Variants in CCNY observed in about 807,000 individuals in gnomAD.
The protein encoded by CCNY is cyclin-Y.
Under a neutral mutation model 42.8 loss-of-function variants are expected in CCNY, and 19 were observed. The observed-to-expected ratio is 0.44, with a 90% CI of 0.31 to 0.65. CCNY has a LOEUF of 0.65. Ranked by LOEUF, CCNY falls within the 30% of genes least tolerant of loss-of-function variation. The pLI, the probability that CCNY is intolerant of heterozygous loss-of-function variation, is 0.07. For missense variants in CCNY, 370 were observed against 437.3 expected, an observed-to-expected ratio of 0.85 and a Z score of 1.37; for synonymous variants, 165 against 162.7, an observed-to-expected ratio of 1.01 and a Z score of -0.11.
At chr10:35,421,600 C>T (rs745886423) in intron 1 of CCNY, among the ~76,000 whole-genome samples, 1 of 152,178 alleles carries the variant, frequency 6.6e-6, no homozygotes, top group Non-Finnish European at 1.5e-5. Context: ...GGGACAGTTT[C>T]ATGCCTCTCT....
chr10:35,399,417 G>A (rs1837595600), intron 1 of CCNY, among the ~76,000 whole-genome samples: 1 of 152,116 alleles, frequency 6.6e-6, no homozygotes, highest in South Asian at 2.1e-4. Flanking sequence ...CAGAATTTGG[G>A]TACTAGTGTG....
At chr10:35,466,608 C>T (rs1475648425) in intron 1 of CCNY, among the ~76,000 whole-genome samples, 7 of 152,266 alleles carry the variant, frequency 4.6e-5, no homozygotes, top group South Asian at 4.1e-4. Context: ...CTGTTGCTCC[C>T]GCTGTCCCTC....
intron 1 of CCNY, among the ~76,000 whole-genome samples, chr10:35,379,732 G>C (rs1837136328): frequency 1.3e-5 from 2 of 152,226 alleles, no homozygotes; most frequent in Admixed American, 6.5e-5. Context: ...CCTGAATGCA[G>C]GGATGTTGCT....
intron 1 of CCNY, among the ~76,000 whole-genome samples, chr10:35,360,288 C>CTTTTTTTTTT (rs5784449): frequency 2.0e-5 from 2 of 99,898 alleles, no homozygotes; most frequent in Non-Finnish European, 2.1e-5. Flanking sequence ...CTTTTCTTTT[C>CTTTTTTTTTT]TTTTTTTTTT....
intron 1 of CCNY, among the ~76,000 whole-genome samples, chr10:35,454,387 T>C (rs2135318405): frequency 6.6e-6 from 1 of 152,336 alleles, no homozygotes; most frequent in Non-Finnish European, 1.5e-5. Context: ...TTACCAAAGG[T>C]TGTTCACCTG....
intron 1 of CCNY, among the ~76,000 whole-genome samples, chr10:35,361,927 A>G (rs1836694942): frequency 6.6e-6 from 1 of 152,224 alleles, no homozygotes; most frequent in Non-Finnish European, 1.5e-5. Flanking sequence ...TTGAATGCCA[A>G]CATGATGCCA....
intron 1 of CCNY, among the ~76,000 whole-genome samples, chr10:35,458,184 G>A (rs1839079472): frequency 2.0e-5 from 3 of 152,206 alleles, no homozygotes; most frequent in African/African-American, 7.2e-5. Flanking sequence ...GGCTTTGGGG[G>A]TATGTCAGTG....
intron 3 of CCNY, among the ~76,000 whole-genome samples, chr10:35,502,201 A>AGGGAG (rs1840124366): frequency 6.6e-6 from 1 of 152,160 alleles, no homozygotes; most frequent in Non-Finnish European, 1.5e-5. Context: ...CACACCCTAT[A>AGGGAG]TACCAGGCAA....
At chr10:35,445,344 G>A (rs1016098149) in intron 1 of CCNY, among the ~76,000 whole-genome samples, 16 of 152,104 alleles carry the variant, frequency 1.1e-4, no homozygotes, top group African/African-American at 3.6e-4. Flanking sequence ...TGTTTCCCAC[G>A]GAGCCTGTGG....
intron 1 of CCNY, among the ~76,000 whole-genome samples, chr10:35,377,758 A>G (rs1298592511): frequency 6.6e-6 from 1 of 152,238 alleles, no homozygotes; most frequent in Non-Finnish European, 1.5e-5. Context: ...TAATGTAACC[A>G]TTATATGTTA....
At chr10:35,254,786 G>C (rs538865186) in intron 3 of CCNY, among the ~76,000 whole-genome samples, 1 of 144,508 alleles carries the variant, frequency 6.9e-6, no homozygotes, top group Admixed American at 7.2e-5. Flanking sequence ...AGCTGTGATC[G>C]TGCCACTGCA....
chr10:35,258,895 C>T (rs1208812837), intron 3 of CCNY, among the ~76,000 whole-genome samples: 2 of 150,274 alleles, frequency 1.3e-5, no homozygotes, highest in African/African-American at 4.9e-5. Flanking sequence ...GAGATCGAGC[C>T]ACTGCACTCC....
chr10:35,262,483 C>T (rs1170167405), intron 3 of CCNY, among the ~76,000 whole-genome samples: 10 of 151,662 alleles, frequency 6.6e-5, no homozygotes, highest in South Asian at 4.1e-4. Context: ...CTCTGCCTCC[C>T]GAGTAGCTGG....
chr10:35,565,493 G>A lies in CCNY; in HGVS notation c.747-530G>A, dbSNP rs547591129. ...GTGAGTTCTCTTTTTAAGAGACTGA[G>A]GCAGAGACTGGACACCCTCCCCCCA... On this transcript the variant is annotated intron_variant, in intron 8 of 9. Coordinates refer to ENST00000374704, the MANE Select transcript of CCNY (RefSeq NM_145012.6). Among the ~76,000 whole-genome samples, 9 of 152,254 alleles carry A rather than the reference G, an allele frequency of 5.9e-5. No homozygotes were observed. The East Asian group carries it at 1.4e-3, about 23-fold the overall frequency.
At chr10:35,515,910 A>C (rs1840417673) in intron 3 of CCNY, among the ~76,000 whole-genome samples, 1 of 152,246 alleles carries the variant, frequency 6.6e-6, no homozygotes, top group African/African-American at 2.4e-5. Flanking sequence ...ACAAAGAACT[A>C]TCTAAAGGTC....
chr10:35,311,908 C>T (rs1835689000), intron 3 of CCNY, among the ~76,000 whole-genome samples: 1 of 151,620 alleles, frequency 6.6e-6, no homozygotes, highest in Admixed American at 6.6e-5. Flanking sequence ...ATGGCTTGAA[C>T]TCAGGAGTTT....
intron 3 of CCNY, among the ~76,000 whole-genome samples, chr10:35,260,152 A>G (rs1398796560): frequency 2.6e-5 from 4 of 151,796 alleles, no homozygotes; most frequent in Non-Finnish European, 5.9e-5. Flanking sequence ...CCTCTCCCCC[A>G]TGCCTCTTGT....
chr10:35,283,403 G>GTTTT (rs869225751), intron 3 of CCNY, among the ~76,000 whole-genome samples: 1 of 144,118 alleles, frequency 6.9e-6, no homozygotes. Flanking sequence ...TGTAAGGACA[G>GTTTT]TTTTTTTTTT....
rs115823825 is a variant in CCNY, at chr10:35,348,168, C to G, written c.154+10961C>G. ...TTTATATAGCATTAGAGATTGTGTT[C>G]TATATTCTGAAAGCCAAAGCTGATG... is the stretch of plus-strand genomic sequence containing the variant. On this transcript the variant is annotated intron_variant, in intron 1 of 9. Coordinates refer to ENST00000374704, the MANE Select transcript of CCNY (RefSeq NM_145012.6). 1.2e-3 allele frequency among the ~76,000 whole-genome samples: 177 copies of G among 152,282 alleles called. 1 individual carries two copies. Among genetic ancestry groups the G allele is most frequent in the African/African-American group, 4.1e-3 (169 of 41,548 alleles).
Sources: gnomAD v4.1 joint callset for allele counts (sites outside exome capture counted in the v4.1 genomes callset) on GRCh38, gnomAD v4.1.1 for gene constraint, MANE v1.5 for transcripts, NCBI Gene and HGNC (gene_info 2026-07-23, HGNC 2026-07-21) for gene names.